The following DLG2 variants were observed in gnomAD, a reference collection of about 807,000 sequenced individuals.
DLG2 encodes the protein disks large homolog 2.
DLG2 carries 45 observed loss-of-function variants against 132.5 expected under a neutral mutation model. That is an observed-to-expected ratio of 0.34 (90% CI 0.27 to 0.44). The LOEUF (loss-of-function observed/expected upper bound fraction) is 0.44. Ranked by LOEUF, DLG2 falls within the 20% of genes least tolerant of loss-of-function variation. The pLI is 1.00. For missense variants in DLG2, 1,045 were observed against 1,196.9 expected (o/e 0.87, Z 1.87); for synonymous variants, 424 against 419.6 (o/e 1.01, Z -0.13).
At chr11:85,322,632 C>T (rs1416531160) in intron 3 of DLG2, among the ~76,000 whole-genome samples, 1 of 152,064 alleles carries the variant, frequency 6.6e-6, no homozygotes, top group Non-Finnish European at 1.5e-5. Flanking sequence ...GGTTCCATAA[C>T]CAAAAACAAA....
chr11:84,175,409 T>C (rs2095934702), intron 8 of DLG2, among the ~76,000 whole-genome samples: 1 of 152,268 alleles, frequency 6.6e-6, no homozygotes, highest in South Asian at 2.1e-4. Context: ...ATGGATTGAC[T>C]CTTATGCTAA....
chr11:84,857,938 G>C (rs1010815602), intron 6 of DLG2, among the ~76,000 whole-genome samples: 16 of 151,696 alleles, frequency 1.1e-4, no homozygotes, highest in Non-Finnish European at 1.8e-4. Flanking sequence ...TGTCATGCAG[G>C]CTGGAGTGCA....
intron 4 of DLG2, among the ~76,000 whole-genome samples, chr11:85,259,981 G>C (rs986994883): frequency 1.3e-5 from 2 of 152,110 alleles, no homozygotes; most frequent in Non-Finnish European, 2.9e-5. Flanking sequence ...ATGTTGGTGA[G>C]CATTGGGCTA....
chr11:84,490,736 A>G (rs2099162782), intron 7 of DLG2, among the ~76,000 whole-genome samples: 1 of 151,994 alleles, frequency 6.6e-6, no homozygotes, highest in African/African-American at 2.4e-5. Context: ...TGAGAAGGAT[A>G]AGAAACATAT....
At chr11:84,404,572 G>A (rs528089254) in intron 7 of DLG2, among the ~76,000 whole-genome samples, 2 of 152,076 alleles carry the variant, frequency 1.3e-5, no homozygotes, top group Non-Finnish European at 1.5e-5. Flanking sequence ...AGGTAAATAC[G>A]TGTCTAGTAA....
chr11:84,359,285 C>T (rs1027092014), intron 7 of DLG2, among the ~76,000 whole-genome samples: 1 of 151,728 alleles, frequency 6.6e-6, no homozygotes, highest in South Asian at 2.1e-4. Context: ...TCTGTAACTC[C>T]CTGGTTGTGC....
At chr11:84,093,843 G>A (rs546120895) in intron 10 of DLG2, among the ~76,000 whole-genome samples, 26 of 152,072 alleles carry the variant, frequency 1.7e-4, no homozygotes, top group African/African-American at 5.5e-4. Context: ...TTGAACTCTT[G>A]ATCTCAAGTT....
Position 84,018,351 on chromosome 11 carries a change from C to T in DLG2, c.920-37709G>A, listed in dbSNP as rs533037044. On this transcript the variant is annotated intron_variant, in intron 11 of 27. Coordinates refer to ENST00000376104, the MANE Select transcript of DLG2 (RefSeq NM_001142699.3). ...TGTACCTTTCAAGATGACAAGGAAA[C>T]AACTCATTATCTTGAGAACTGGGTA... Among the ~76,000 whole-genome samples the T allele has an allele frequency of 3.9e-5, 6 of 151,982 alleles. No individual in the cohort carries two copies. The South Asian group carries it at 8.3e-4, about 21-fold the overall frequency.
At chr11:84,881,989 T>A (rs1024781878) in intron 6 of DLG2, among the ~76,000 whole-genome samples, 3 of 152,124 alleles carry the variant, frequency 2.0e-5, no homozygotes, top group African/African-American at 7.2e-5. Flanking sequence ...TTTTAAAATG[T>A]TTGCTTTAAT....
intron 10 of DLG2, among the ~76,000 whole-genome samples, chr11:84,097,956 C>A (rs982270031): frequency 6.6e-6 from 1 of 151,472 alleles, no homozygotes; most frequent in Admixed American, 6.6e-5. Context: ...GAAAGTAGCC[C>A]AGCTCAAGCA....
chr11:84,335,652 A>C (rs1272525361), intron 7 of DLG2, among the ~76,000 whole-genome samples: 2 of 152,178 alleles, frequency 1.3e-5, no homozygotes, highest in African/African-American at 4.8e-5. Context: ...AGCTCTGAGG[A>C]AGGAGAAATT....
intron 15 of DLG2, among the ~76,000 whole-genome samples, chr11:83,883,891 A>T (rs2067012645): frequency 6.6e-6 from 1 of 152,214 alleles, no homozygotes; most frequent in African/African-American, 2.4e-5. Flanking sequence ...CAGGTATTAG[A>T]TAGTTCCATA....
At chr11:84,650,881 A>ACATACATATATATGTACATATATAC (rs1555136012) in intron 6 of DLG2, among the ~76,000 whole-genome samples, 1 of 125,726 alleles carries the variant, frequency 8.0e-6, no homozygotes, top group African/African-American at 3.4e-5. Flanking sequence ...GTGTATATAT[A>ACATACATATATATGTACATATATAC]TATATATATA....
chr11:85,609,530 A>G (rs929615016), intron 2 of DLG2, among the ~76,000 whole-genome samples: 1 of 152,210 alleles, frequency 6.6e-6, no homozygotes, highest in African/African-American at 2.4e-5. Context: ...TGTGGTTTAC[A>G]AGGACACTTT....
At chr11:85,490,510 GTTCT>G (rs776349626) in intron 3 of DLG2, among the ~76,000 whole-genome samples, 7 of 151,824 alleles carry the variant, frequency 4.6e-5, no homozygotes, top group South Asian at 2.1e-4. Context: ...TGAAAAATTT[GTTCT>G]TTCAAAAGAA....
chr11:83,748,609 A>T (rs1261943872), intron 18 of DLG2, among the ~76,000 whole-genome samples: 1 of 152,140 alleles, frequency 6.6e-6, no homozygotes, highest in African/African-American at 2.4e-5. Context: ...AAGAAACATG[A>T]CTCTGCCTGA....
chr11:84,445,611 A>G (rs1397069633), intron 7 of DLG2, among the ~76,000 whole-genome samples: 2 of 152,112 alleles, frequency 1.3e-5, no homozygotes, highest in Non-Finnish European at 2.9e-5. Flanking sequence ...TAATCTGATT[A>G]TTTATAAAAT....
chr11:85,216,036 G>C (rs1217913485), intron 4 of DLG2, among the ~76,000 whole-genome samples: 1 of 147,366 alleles, frequency 6.8e-6, no homozygotes, highest in Non-Finnish European at 1.5e-5. Context: ...AGGAAGCACA[G>C]ACTGGCACAA....
At chr11:84,365,486 A>G (rs2098676587) in intron 7 of DLG2, among the ~76,000 whole-genome samples, 1 of 151,780 alleles carries the variant, frequency 6.6e-6, no homozygotes, top group African/African-American at 2.4e-5. Context: ...TAATTTTTTG[A>G]AGGGTTTTTT....
Sources: allele counts gnomAD v4.1 joint callset (sites outside exome capture counted in the v4.1 genomes callset), GRCh38; gene constraint gnomAD v4.1.1; transcripts MANE v1.5; gene names NCBI Gene and HGNC (gene_info 2026-07-23, HGNC 2026-07-21).